LINGO2: variants seen among roughly 807,000 people sequenced by gnomAD.
LINGO2 encodes the protein leucine-rich repeat and immunoglobulin-like domain-containing nogo receptor-interacting protein 2.
Under a neutral mutation model 30.6 loss-of-function variants are expected in LINGO2, and 14 were observed. That is an observed-to-expected ratio of 0.46 (90% CI 0.30 to 0.72). The LOEUF (loss-of-function observed/expected upper bound fraction) is 0.72, where lower values mean the gene tolerates loss of function less well. LINGO2 is among the 30% of genes least tolerant of loss of function. The probability of loss-of-function intolerance (pLI) is 0.07; values close to 1 mark genes in which losing one functional copy is unlikely to be tolerated. For missense variants in LINGO2, 729 were observed against 751.7 expected (o/e 0.97, Z 0.35); for synonymous variants, 317 against 288.5 (o/e 1.10, Z -1.00).
At chr9:28,255,195 C>T (rs927643973) in intron 4 of LINGO2, among the ~76,000 whole-genome samples, 6 of 151,936 alleles carry the variant, frequency 3.9e-5, no homozygotes, top group Non-Finnish European at 7.4e-5. Context: ...CTCCCTCTCT[C>T]GCTCTCTCTC....
intron 4 of LINGO2, among the ~76,000 whole-genome samples, chr9:28,146,650 T>C (rs1827821740): frequency 2.6e-5 from 4 of 152,080 alleles, no homozygotes. Flanking sequence ...AGTGCCCAAA[T>C]GGTTTTTCAT....
the LINGO2 span, among the ~76,000 whole-genome samples, chr9:28,680,728 C>T: frequency 2.0e-5 from 3 of 151,992 alleles, no homozygotes; most frequent in East Asian, 1.9e-4. Context: ...TTAGTGATTG[C>T]GAGCATTTTT....
At chr9:28,089,690 C>A (rs934151455) in intron 4 of LINGO2, among the ~76,000 whole-genome samples, 2 of 151,952 alleles carry the variant, frequency 1.3e-5, no homozygotes, top group African/African-American at 4.8e-5. Flanking sequence ...CAAAAGCTAG[C>A]AGAAGGCAAG....
chr9:28,172,026 A>C (rs539818446), intron 4 of LINGO2, among the ~76,000 whole-genome samples: 3 of 82,600 alleles, frequency 3.6e-5, no homozygotes, highest in African/African-American at 6.4e-5. Context: ...CAAAAAAAAA[A>C]AAAAAAACAA....
chr9:29,060,746 T>C, the LINGO2 span, among the ~76,000 whole-genome samples: 6 of 151,392 alleles, frequency 4.0e-5, no homozygotes, highest in African/African-American at 7.3e-5. Flanking sequence ...GAAAATACAA[T>C]GTTTGAAATT....
At chr9:28,599,068 G>A (rs1825342891) in intron 1 of LINGO2, 1 of 152,124 alleles carries the variant, frequency 6.6e-6, no homozygotes, top group African/African-American at 2.4e-5. Flanking sequence ...CTTATTTAAA[G>A]TTACTATAAG....
intron 2 of LINGO2, among the ~76,000 whole-genome samples, chr9:28,430,109 CGTGTGTGT>C (rs55989705): frequency 0.18 from 25,080 of 136,134 alleles, 2,387 homozygotes; most frequent in East Asian, 0.45. Flanking sequence ...CGCGCGCGCG[CGTGTGTGT>C]GTGTGTGTGT....
intron 2 of LINGO2, among the ~76,000 whole-genome samples, chr9:28,391,645 T>G (rs1243336447): frequency 6.6e-6 from 1 of 151,160 alleles, no homozygotes; most frequent in Admixed American, 6.6e-5. Context: ...TTTAATCACC[T>G]CATCCACAGG....
the LINGO2 span, among the ~76,000 whole-genome samples, chr9:28,848,360 A>G: frequency 2.4e-4 from 22 of 90,076 alleles, no homozygotes; most frequent in African/African-American, 4.8e-4. Flanking sequence ...ATATACACAT[A>G]TATTGTGTGT....
intron 1 of LINGO2, among the ~76,000 whole-genome samples, chr9:28,644,009 C>T (rs1827722703): frequency 6.6e-6 from 1 of 151,922 alleles, no homozygotes; most frequent in African/African-American, 2.4e-5. Flanking sequence ...GTTAAAGTGG[C>T]TTATATCCAA....
intron 5 of LINGO2, among the ~76,000 whole-genome samples, chr9:27,998,768 G>A (rs943934187): frequency 9.2e-5 from 14 of 152,110 alleles, no homozygotes; most frequent in Admixed American, 3.3e-4. Context: ...TCCATCCTGG[G>A]TGATAGAGGG....
chr9:28,638,744 A>G (rs532203774), intron 1 of LINGO2, among the ~76,000 whole-genome samples: 1 of 152,010 alleles, frequency 6.6e-6, no homozygotes, highest in East Asian at 1.9e-4. Context: ...CAGTCTATCA[A>G]TTTTGTTGCT....
the LINGO2 span, among the ~76,000 whole-genome samples, chr9:29,035,604 G>C: frequency 1.2e-5 from 1 of 81,534 alleles, no homozygotes; most frequent in African/African-American, 4.8e-5. Context: ...GCAGAAGCTT[G>C]AAGTCAAAAC....
intron 2 of LINGO2, among the ~76,000 whole-genome samples, chr9:28,473,293 C>T (rs1825598286): frequency 1.3e-5 from 2 of 151,902 alleles, no homozygotes; most frequent in Non-Finnish European, 2.9e-5. Flanking sequence ...CAATGAGTAG[C>T]AGCATTCAAT....
chr9:27,963,714 G>A (rs1456843644), intron 5 of LINGO2, among the ~76,000 whole-genome samples: 1 of 150,646 alleles, frequency 6.6e-6, no homozygotes, highest in East Asian at 2.0e-4. Flanking sequence ...AGAAGAATGG[G>A]TGAAGAGTGG....
chr9:28,017,739 C>T (rs1221708578), intron 4 of LINGO2, among the ~76,000 whole-genome samples: 2 of 152,142 alleles, frequency 1.3e-5, no homozygotes, highest in Non-Finnish European at 2.9e-5. Flanking sequence ...ACATTCCATG[C>T]TCATGGATAG....
chr9:28,620,486 TG>T (rs1826341344), intron 1 of LINGO2, among the ~76,000 whole-genome samples: 1 of 152,062 alleles, frequency 6.6e-6, no homozygotes, highest in Non-Finnish European at 1.5e-5. Flanking sequence ...GAATTTATAT[TG>T]AAAATAATGT....
the LINGO2 span, among the ~76,000 whole-genome samples, chr9:28,994,198 A>G: frequency 6.6e-6 from 1 of 152,202 alleles, no homozygotes; most frequent in African/African-American, 2.4e-5. Flanking sequence ...ATGTACAAAA[A>G]TCACAAGCAT....
At chr9:29,005,967 G>GA in the LINGO2 span, among the ~76,000 whole-genome samples, 1 of 151,880 alleles carries the variant, frequency 6.6e-6, no homozygotes, top group African/African-American at 2.4e-5. Flanking sequence ...AGGAATAGCT[G>GA]ACTGTAATCA....
Sources: allele counts gnomAD v4.1 joint callset (sites outside exome capture counted in the v4.1 genomes callset), GRCh38; gene constraint gnomAD v4.1.1; transcripts MANE v1.5; gene names NCBI Gene and HGNC (gene_info 2026-07-23, HGNC 2026-07-21).